The following ZNF560 variants were observed in gnomAD, a reference collection of about 807,000 sequenced individuals.
The protein encoded by ZNF560 is zinc finger protein 560.
In ZNF560, 54 loss-of-function variants were observed where a neutral mutation model predicts 81.8. The ratio of observed to expected loss-of-function variants is 0.66; its 90% confidence interval spans 0.53 to 0.83. The LOEUF (loss-of-function observed/expected upper bound fraction) is 0.83. Among genes scored for constraint, ZNF560 ranks in the 40% least tolerant of loss-of-function variants. The pLI, the probability that ZNF560 is intolerant of heterozygous loss-of-function variation, is 0.00. For synonymous variants in ZNF560, 321 were observed against 317.9 expected (o/e 1.01, Z -0.10); for missense variants, 940 against 932.4 (o/e 1.01, Z -0.11).
chr19:9,470,367 C>G (rs1169999362), intron 7 of ZNF560, 25 bp downstream of exon 7: 1 of 1,591,802 alleles, frequency 6.3e-7, no homozygotes, highest in Non-Finnish European at 8.5e-7. Flanking sequence ...CCAGAATAGG[C>G]TACAAGGGAT....
chr19:9,483,695 C>T (rs1282030869), intron 2 of ZNF560, among the ~76,000 whole-genome samples: 3 of 142,350 alleles, frequency 2.1e-5, no homozygotes, highest in East Asian at 2.2e-4. Context: ...TCCGCCCGGC[C>T]GCCGCCCCGT....
the ZNF560 span, among the ~76,000 whole-genome samples, chr19:9,455,840 A>G: frequency 6.6e-6 from 1 of 152,146 alleles, no homozygotes; most frequent in African/African-American, 2.4e-5. Context: ...AAGCCATGGG[A>G]GGACTGAGAG....
the ZNF560 span, among the ~76,000 whole-genome samples, chr19:9,459,513 G>T: frequency 6.6e-6 from 1 of 152,134 alleles, no homozygotes; most frequent in Non-Finnish European, 1.5e-5. Context: ...TGAACACTAG[G>T]CCATGGGGGC....
chr19:9,489,633 A>T (rs2144722606), intron 2 of ZNF560, among the ~76,000 whole-genome samples: 1 of 151,658 alleles, frequency 6.6e-6, no homozygotes, highest in East Asian at 1.9e-4. Flanking sequence ...CATGTCACCC[A>T]GGCTGGAGTG....
chr19:9,467,106 T>C lies in ZNF560; in HGVS notation c.1841A>G (p.Asp614Gly). ...GTGTCTTCGTAAATGTTTAGTAAGA[T>C]CTGAGCGTTCTGTGAAGGCTTTTCC... is the stretch of plus-strand genomic sequence containing the variant. The part of the protein sequence containing the change: ...KCGKAFTERS[D>G]LTKHLRRHTG... Residue 614 changes from aspartate to glycine, a missense_variant, in exon 10 of 10, where the codon GAT becomes GGT. Physicochemically the swap from Asp to Gly is moderately conservative, Grantham distance 94 (BLOSUM62 -1). Transcript: ENST00000301480. 1 of 1,613,850 alleles carries C rather than the reference T, an allele frequency of 6.2e-7. No individual in the cohort carries two copies. The highest frequency in any genetic ancestry group is 1.3e-5 in the African/African-American group (1 of 75,018).
Position 9,471,369 on chromosome 19 carries a change from A to C in ZNF560, c.248T>G (p.Ile83Arg). The change falls in exon 6 of 10, where the codon ATA becomes AGA. Residue 83 changes from isoleucine (I) to arginine (R), a missense_variant. Coordinates refer to ENST00000301480, the MANE Select transcript of ZNF560 (RefSeq NM_152476.3). ...LQQGVLQDWA[I>R]KHQTSVSALQ... ...TGCTGAAACACTGGTTTGATGTTTT[A>C]TTGCCCAGTCTGAAACAAAAACATA... The C allele has an allele frequency of 6.3e-7, 1 of 1,583,950 alleles. No homozygotes were observed. Among genetic ancestry groups the C allele is most frequent in the Non-Finnish European group, 8.6e-7 (1 of 1,167,868 alleles).
At chr19:9,479,143 T>C (rs969031362) in intron 2 of ZNF560, among the ~76,000 whole-genome samples, 3 of 149,970 alleles carry the variant, frequency 2.0e-5, no homozygotes, top group Admixed American at 1.3e-4. Flanking sequence ...GCCAAGATCA[T>C]GCCACTATAC....
At position 9,467,551 on chromosome 19, in the gene ZNF560, C is replaced by T; in HGVS notation, c.1396G>A (p.Gly466Arg). 1.2e-6 allele frequency: 2 copies of T among 1,614,148 alleles called. No homozygotes were observed. The highest frequency in any genetic ancestry group is 1.7e-6 in the Non-Finnish European group (2 of 1,180,028). ...GEKPYEHKEY[G>R]KAFGTSSGVI... ...CCTGAGGATGTACCAAAGGCCTTCC[C>T]ATATTCCTTATGCTCATATGGCTTC... The change falls in exon 10 of 10, where the codon GGG becomes AGG. Residue 466 changes from glycine to arginine, a missense_variant. Coordinates refer to ENST00000301480, the MANE Select transcript of ZNF560 (RefSeq NM_152476.3).
chr19:9,467,868 G>T lies in ZNF560; in HGVS notation c.1079C>A (p.Pro360His). The T allele has an allele frequency of 9.3e-6, 15 of 1,614,182 alleles. No homozygotes were observed. The highest frequency in any genetic ancestry group is 1.3e-5 in the Non-Finnish European group (15 of 1,180,036). The stretch of plus-strand genomic sequence containing the variant: ...TTGCATGTGATTATTAAGGTGGGTA[G>T]GGTATCTAAAATCTTTTCCACATTC... ...CKECGKDFRY[P>H]THLNNHMQTH... The change falls in exon 10 of 10, where the codon CCT (proline) becomes CAT (histidine). Residue 360 changes from proline to histidine, a missense_variant. By Grantham distance (77) the Pro-to-His change is moderately conservative (BLOSUM62 -2). Transcript: ENST00000301480.
upstream of ZNF560, among the ~76,000 whole-genome samples, chr19:9,500,061 T>C (rs28421779): frequency 0.048 from 7,323 of 152,204 alleles, 608 homozygotes; most frequent in African/African-American, 0.17. Flanking sequence ...CCTTTTATTT[T>C]ATTTTCTTGT....
chr19:9,495,658 G>A (rs1373254289), intron 2 of ZNF560, among the ~76,000 whole-genome samples: 2 of 152,212 alleles, frequency 1.3e-5, no homozygotes, highest in Non-Finnish European at 2.9e-5. Context: ...AGTGTATTCA[G>A]ATGGCACCAC....
intron 7 of ZNF560, 123 bp from the exon 8 acceptor site, chr19:9,469,833 A>G: frequency 1.4e-6 from 1 of 733,660 alleles, no homozygotes; most frequent in Admixed American, 2.1e-5. Context: ...CATATATCCC[A>G]TCTTTCTGTT....
At chr19:9,465,284 C>A (rs981403737), downstream of ZNF560, among the ~76,000 whole-genome samples, 2 of 152,116 alleles carry the variant, frequency 1.3e-5, no homozygotes, top group Admixed American at 6.5e-5. Context: ...GGGTGTACCA[C>A]CATGCCCAGC....
At chr19:9,453,854 T>C in the ZNF560 span, among the ~76,000 whole-genome samples, 1 of 152,126 alleles carries the variant, frequency 6.6e-6, no homozygotes, top group Non-Finnish European at 1.5e-5. Context: ...GAGAAAATAC[T>C]CCAACCTTCA....
At position 9,468,163 on chromosome 19, in the gene ZNF560, T is replaced by C. The variant is rs1056830489; in HGVS notation, c.784A>G (p.Arg262Gly). ...LSLYNKTSTI[R>G]KVSVFSKHGK... ...TGCTTACTGAACACAGAAACTTTCC[T>C]TATGGTAGAGGTTTTATTGTATAGA... The change falls in exon 10 of 10, where the codon AGG becomes GGG. Residue 262 changes from arginine to glycine, a missense_variant. By Grantham distance (125) the Arg-to-Gly change is moderately radical. Transcript: ENST00000301480. 6.2e-7 allele frequency: 1 copy of C among 1,614,082 alleles called. No homozygotes were observed. Among genetic ancestry groups the C allele is most frequent in the South Asian group, 1.1e-5 (1 of 91,056 alleles).
At chr19:9,462,589 G>C (rs978961043), downstream of ZNF560, among the ~76,000 whole-genome samples, 6 of 151,764 alleles carry the variant, frequency 4.0e-5, no homozygotes, top group Non-Finnish European at 8.8e-5. Flanking sequence ...TGACCGACCT[G>C]GTCTTGGCAA....
At chr19:9,482,664 C>T (rs1399810470) in intron 2 of ZNF560, among the ~76,000 whole-genome samples, 2 of 150,508 alleles carry the variant, frequency 1.3e-5, no homozygotes, top group African/African-American at 2.5e-5. Context: ...CCTCCCTCTC[C>T]CCACGGTCTC....
At chr19:9,481,576 G>C (rs2073289770) in intron 2 of ZNF560, among the ~76,000 whole-genome samples, 1 of 151,906 alleles carries the variant, frequency 6.6e-6, no homozygotes, top group Admixed American at 6.6e-5. Context: ...AAATTTACAA[G>C]AAAAAAATCA....
At chr19:9,450,162 G>A in the ZNF560 span, among the ~76,000 whole-genome samples, 3 of 150,864 alleles carry the variant, frequency 2.0e-5, no homozygotes, top group Middle Eastern at 3.5e-3. Context: ...GCAGTGGCAG[G>A]CGCCTGTAAT....
Sources: gnomAD v4.1 joint callset for allele counts (sites outside exome capture counted in the v4.1 genomes callset) on GRCh38, gnomAD v4.1.1 for gene constraint, MANE v1.5 for transcripts, NCBI Gene and HGNC (gene_info 2026-07-23, HGNC 2026-07-21) for gene names.